The following MYH10 variants were observed in gnomAD, a reference collection of about 807,000 sequenced individuals.
MYH10 encodes the protein myosin heavy chain 10, also known as myosin-10.
MYH10 carries 55 observed loss-of-function variants against 257.8 expected under a neutral mutation model. That is an observed-to-expected ratio of 0.21 (90% confidence interval 0.17 to 0.27). The LOEUF (loss-of-function observed/expected upper bound fraction) is 0.27. Ranked by LOEUF, MYH10 falls within the 10% of genes least tolerant of loss-of-function variation. The probability of loss-of-function intolerance (pLI) is 1.00; values close to 1 mark genes in which losing one functional copy is unlikely to be tolerated. For synonymous variants in MYH10, 854 were observed against 921.7 expected (o/e 0.93, Z 1.33); for missense variants, 1,631 against 2,500.6 (o/e 0.65, Z 7.42).
At position 8,585,374 on chromosome 17, in the gene MYH10, A is replaced by T. The variant is rs185576957; in HGVS notation, c.530+3707T>A. Among the ~76,000 whole-genome samples the T allele has an allele frequency of 2.0e-5, 3 of 149,534 alleles. No individual in the cohort carries two copies. In the Admixed American group the frequency reaches 2.0e-4, roughly 10 times the overall value. On this transcript the variant is annotated intron_variant, in intron 4 of 42. Transcript: ENST00000360416. ...AATAAGAGAAAAGGCATACAAATTT[A>T]TTTAACATGAGCATGGGGAGAATCA...
chr17:8,525,211 C>T (rs2081801937), intron 17 of MYH10, among the ~76,000 whole-genome samples: 1 of 152,228 alleles, frequency 6.6e-6, no homozygotes, highest in Admixed American at 6.5e-5. Context: ...TACCAGCTAC[C>T]TCAGGGAACC....
chr17:8,563,776 C>T (rs1341808317), intron 7 of MYH10, among the ~76,000 whole-genome samples: 2 of 151,844 alleles, frequency 1.3e-5, no homozygotes, highest in African/African-American at 2.4e-5. Flanking sequence ...AACCTGGTCG[C>T]CAAACTGTAA....
chr17:8,575,040 A>G (rs1420679770), intron 6 of MYH10, among the ~76,000 whole-genome samples: 1 of 152,252 alleles, frequency 6.6e-6, no homozygotes, highest in Non-Finnish European at 1.5e-5. Flanking sequence ...CAACTTGGGA[A>G]AAGCAGCACT....
At chr17:8,511,157 A>AGGATTTCT (rs1409757110) in intron 24 of MYH10, 1 of 151,626 alleles carries the variant, frequency 6.6e-6, no homozygotes, top group African/African-American at 2.4e-5. Flanking sequence ...TTTGTCTAGC[A>AGGATTTCT]GGATTTCTGG....
chr17:8,527,498 T>G (rs777399332), intron 17 of MYH10, among the ~76,000 whole-genome samples: 1 of 152,248 alleles, frequency 6.6e-6, no homozygotes, highest in Non-Finnish European at 1.5e-5. Flanking sequence ...CAACTCATGC[T>G]GAGACTGGGC....
chr17:8,475,989 A>AG (rs1446386573), intron 42 of MYH10, 41 bp from the exon 43 acceptor site: 1 of 1,591,038 alleles, frequency 6.3e-7, no homozygotes, highest in African/African-American at 1.3e-5. Flanking sequence ...GTAAACAGAC[A>AG]GGAGCACATG....
rs147076718 is a variant in MYH10, at chr17:8,589,272, T to C, written c.503-164A>G. ...CCCCATTATACAGTCCTAAATCTAA[T>C]CAAACCCCCTCATATCTCCTATTAT... On this transcript the variant is annotated intron_variant, in intron 3 of 42. Coordinates refer to ENST00000360416, the MANE Select transcript of MYH10 (RefSeq NM_001256012.3). Among the ~76,000 whole-genome samples the C allele has an allele frequency of 2.9e-3, 417 of 144,776 alleles. 1 individual carries two copies. The highest frequency in any genetic ancestry group is 0.011 in the African/African-American group (410 of 38,562). 95.0% of individuals were successfully genotyped at this position (144,776 alleles called of 152,430 possible).
intron 1 of MYH10, among the ~76,000 whole-genome samples, chr17:8,625,635 C>T (rs917036309): frequency 3.3e-5 from 5 of 152,072 alleles, no homozygotes; most frequent in Non-Finnish European, 4.4e-5. Context: ...AGGCCTGCAC[C>T]ATGACCCGCT....
intron 1 of MYH10, among the ~76,000 whole-genome samples, chr17:8,629,286 A>G (rs560075902): frequency 2.6e-5 from 4 of 152,344 alleles, no homozygotes; most frequent in African/African-American, 7.2e-5. Context: ...CAGCGAAAAC[A>G]GCAGTCTTTG....
rs1046853538 is a variant in MYH10, at chr17:8,519,557, A to T, written c.2274-607T>A. On this transcript the variant is annotated intron_variant, in intron 19 of 42. Transcript: ENST00000360416. ...TAAAGGAGGAATCCTGGCTACATCA[A>T]TCAACTTTGTATCTTGGATGCCAAT... is the stretch of plus-strand genomic sequence containing the variant. Among the ~76,000 whole-genome samples, 3 of 151,906 alleles carry T rather than the reference A, an allele frequency of 2.0e-5. No homozygotes were observed. In the Middle Eastern group the frequency reaches 0.01, roughly 517 times the overall value.
chr17:8,613,017 C>T lies in MYH10; in HGVS notation c.346-8035G>A, dbSNP rs1014942059. ...TATACAAAATAAAACTTTACCTAAG[C>T]CCATCACAGTAAAAGTGTTGAAATC... On this transcript the variant is annotated intron_variant, in intron 2 of 42. Transcript: ENST00000360416. 2.6e-5 allele frequency among the ~76,000 whole-genome samples: 4 copies of T among 152,102 alleles called. 1 individual carries two copies. The South Asian group carries it at 6.2e-4, about 24-fold the overall frequency.
At chr17:8,521,371 A>G (rs2081649523) in intron 17 of MYH10, 86 bp from the exon 18 acceptor site, 1 of 1,407,542 alleles carries the variant, frequency 7.1e-7, no homozygotes, top group African/African-American at 1.4e-5. Context: ...GTGCAGCAGC[A>G]CAAGCTTTGT....
intron 4 of MYH10, among the ~76,000 whole-genome samples, chr17:8,584,266 T>TA (rs1159017281): frequency 2.2e-4 from 33 of 152,202 alleles, no homozygotes; most frequent in Non-Finnish European, 4.6e-4. Flanking sequence ...AGAGTGTAAA[T>TA]TAAGAAGTAT....
At chr17:8,577,460 GA>G in intron 4 of MYH10, 122 bp from the exon 5 acceptor site, 1 of 517,446 alleles carries the variant, frequency 1.9e-6, no homozygotes, top group Non-Finnish European at 3.4e-6. Context: ...AGAATAAATA[GA>G]AAAAATAACT....
At chr17:8,518,141 G>A (rs2081533823) in intron 21 of MYH10, among the ~76,000 whole-genome samples, 1 of 150,616 alleles carries the variant, frequency 6.6e-6, no homozygotes. Flanking sequence ...GTGTGTGTGT[G>A]TGTGTGTTTG....
intron 2 of MYH10, among the ~76,000 whole-genome samples, chr17:8,616,718 A>G (rs2085275285): frequency 1.3e-5 from 2 of 152,316 alleles, no homozygotes; most frequent in South Asian, 4.1e-4. Flanking sequence ...CTACAGAATC[A>G]GTAAGATCCC....
intron 3 of MYH10, among the ~76,000 whole-genome samples, chr17:8,590,792 A>T (rs2084098863): frequency 1.3e-5 from 2 of 149,702 alleles, no homozygotes; most frequent in Admixed American, 1.3e-4. Flanking sequence ...TATCTCCTGC[A>T]TGTCCCTTTG....
In MYH10 at chr17:8,490,461, G is replaced by C; in HGVS notation, c.4763C>G (p.Ala1588Gly). The C allele has an allele frequency of 6.2e-7, 1 of 1,614,182 alleles. No individual in the cohort carries two copies. Among genetic ancestry groups the C allele is most frequent in the Non-Finnish European group, 8.5e-7 (1 of 1,180,034 alleles). The part of the protein sequence containing the change: ...QLEELEDELQ[A>G]TEDAKLRLEV... The stretch of plus-strand genomic sequence containing the variant: ...CAGACGAAGCTTGGCATCTTCCGTG[G>C]CCTGGAGTTCGTCTTCCAGCTCCTC... The change falls in exon 35 of 43, where the codon GCC becomes GGC. Residue 1588 changes from alanine to glycine, a missense_variant. This residue lies in a region of MYH10 where 463 missense variants were observed against 621.8 expected (regional missense o/e 0.74). Coordinates refer to ENST00000360416, the MANE Select transcript of MYH10 (RefSeq NM_001256012.3). This position sits in a 1 kb window ranked among gnomAD's most constrained non-coding sequence, Gnocchi z 4.1.
intron 7 of MYH10, among the ~76,000 whole-genome samples, chr17:8,567,209 G>A (rs557439605): frequency 2.0e-5 from 3 of 152,234 alleles, no homozygotes; most frequent in South Asian, 2.1e-4. Flanking sequence ...GGAGAGTGAC[G>A]GAAAGTCTGA....
Sources: gnomAD v4.1 joint callset for allele counts (sites outside exome capture counted in the v4.1 genomes callset) on GRCh38, gnomAD v4.1.1 for gene constraint, gnomAD v4.1.1 regional missense constraint, Gnocchi (gnomAD v3.1) non-coding constraint, MANE v1.5 for transcripts, NCBI Gene and HGNC (gene_info 2026-07-23, HGNC 2026-07-21) for gene names.